Variants in EEF1D observed in about 807,000 individuals in gnomAD.
The protein encoded by EEF1D is eukaryotic translation elongation factor 1 delta.
In EEF1D, 47 loss-of-function variants were observed where a neutral mutation model predicts 63.9. That is an observed-to-expected ratio of 0.74 (90% CI 0.58 to 0.94). The LOEUF is 0.94. Ranked by LOEUF, EEF1D falls within the 40% of genes least tolerant of loss-of-function variation. The pLI is 0.00. For missense variants in EEF1D, 907 were observed against 899.0 expected, an observed-to-expected ratio of 1.01 and a Z score of -0.11; for synonymous variants, 412 against 386.1, an observed-to-expected ratio of 1.07 and a Z score of -0.79.
intron 2 of EEF1D, chr8:143,590,369 T>C: frequency 1.6e-6 from 1 of 630,702 alleles, no homozygotes; most frequent in East Asian, 2.8e-5. Flanking sequence ...ACATGAACAA[T>C]ATATAATTTT....
At chr8:143,590,274 C>T (rs910018048) in intron 2 of EEF1D, 193 bp from the exon 3 acceptor site, 32 of 870,620 alleles carry the variant, frequency 3.7e-5, no homozygotes, top group Non-Finnish European at 4.4e-5. Flanking sequence ...CATGTGGGGA[C>T]GTTTTGTTGT....
In EEF1D at chr8:143,586,677, C is replaced by T; in HGVS notation, c.1215+52G>A. On this transcript the variant is annotated intron_variant, in intron 4 of 9. Transcript: ENST00000618139. The stretch of plus-strand genomic sequence containing the variant: ...GCTGAATCCGCTTTGTGTGCCCCGG[C>T]CACTCCTGTCGGGCAGCAGAGCCGC... 2 of 1,597,744 alleles carry T rather than the reference C, an allele frequency of 1.3e-6. 1 individual carries two copies. Among genetic ancestry groups the T allele is most frequent in the South Asian group, 2.2e-5 (2 of 90,604 alleles).
Position 143,586,207 on chromosome 8 carries a change from G to A in EEF1D, c.1287+12C>T, listed in dbSNP as rs1391624540. ...GCAGGAGCCCGCAGGTCCGTGGGCCGCGGGTACTCACTCCAGCCAGGGATT... is the reference window on the plus strand; with the variant it reads ...GCAGGAGCCCGCAGGTCCGTGGGCCACGGGTACTCACTCCAGCCAGGGATT... On this transcript the variant is annotated intron_variant, in intron 5 of 9. Coordinates refer to ENST00000618139, the MANE Select transcript of EEF1D (RefSeq NM_001130053.5). 33 of 1,605,664 alleles carry A rather than the reference G, an allele frequency of 2.1e-5. No individual in the cohort carries two copies. The highest frequency in any genetic ancestry group is 2.4e-5 in the Non-Finnish European group (28 of 1,177,576).
At chr8:143,587,141 G>C (rs569829671) in intron 3 of EEF1D, 5 of 247,544 alleles carry the variant, frequency 2.0e-5, no homozygotes, top group African/African-American at 1.1e-4. Flanking sequence ...GCGGAGGCAG[G>C]TATGAGGGCC....
rs549161091 is a variant in EEF1D at position 143,586,275 on chromosome 8, C to T, written c.1231G>A (p.Val411Met). The stretch of plus-strand genomic sequence containing the variant: ...GCTCTCGCAATGTCACGGAGGATCA[C>T]GCTGGCGCCGTTCTCCTGCAGACAG... ...GASRQENGAS[V>M]ILRDIARARE... is the part of the protein sequence containing the mutation. The change falls in exon 5 of 10, where the codon GTG becomes ATG. Residue 411 changes from valine to methionine, a missense_variant. Transcript: ENST00000618139. 7 of 1,606,362 alleles carry T rather than the reference C, an allele frequency of 4.4e-6. No homozygotes were observed. Among genetic ancestry groups the T allele is most frequent in the Middle Eastern group, 2.3e-4 (1 of 4,424 alleles).
chr8:143,590,099 A>G lies in EEF1D; in HGVS notation c.1-18T>C. The G allele has an allele frequency of 6.3e-7, 1 of 1,598,236 alleles. No homozygotes were observed. Among genetic ancestry groups the G allele is most frequent in the South Asian group, 1.1e-5 (1 of 91,092 alleles). On this transcript the variant is annotated intron_variant, in intron 2 of 9. Coordinates refer to ENST00000618139, the MANE Select transcript of EEF1D (RefSeq NM_001130053.5). ...CTCCTCATCTTCCGGACACAGCGAT[A>G]AAAAGCAAGCAGAGGGCAGAGTTGC...
At chr8:143,586,134 C>G in intron 5 of EEF1D, 85 bp downstream of exon 5, 4 of 1,358,488 alleles carry the variant, frequency 2.9e-6, no homozygotes, top group Non-Finnish European at 3.1e-6. Context: ...GCTGTGAAGC[C>G]AAAACAACCA....
At chr8:143,587,063 CCT>C (rs1826802875) in intron 3 of EEF1D, 1 of 540,574 alleles carries the variant, frequency 1.8e-6, no homozygotes, top group African/African-American at 1.9e-5. Context: ...GGTCCGAGAA[CCT>C]CTGAGGGTCC....
intron 8 of EEF1D, 98 bp from the exon 9 acceptor site, chr8:143,580,304 TTC>T (rs1825185279): frequency 3.0e-6 from 4 of 1,348,648 alleles, no homozygotes; most frequent in Non-Finnish European, 4.1e-6. Context: ...GTGTCCACAA[TTC>T]TGTTTCCTTA....
intron 8 of EEF1D, 77 bp downstream of exon 8, chr8:143,580,429 G>A (rs923588482): frequency 6.6e-7 from 1 of 1,516,544 alleles, no homozygotes; most frequent in African/African-American, 1.4e-5. Flanking sequence ...AGGGCAGGGG[G>A]AGGGTCACAG....
At position 143,580,538 on chromosome 8, in the gene EEF1D, C is replaced by T. The variant is rs751588593; in HGVS notation, c.1678G>A (p.Ala560Thr). 4 of 1,612,928 alleles carry T rather than the reference C, an allele frequency of 2.5e-6. No homozygotes were observed. Among genetic ancestry groups the T allele is most frequent in the Non-Finnish European group, 3.4e-6 (4 of 1,179,830 alleles). ...ACATCCAGCAGGATGGAGGACTTGGCCACCAGTGCAGGCTTCTTGGCCTTC... is the reference window on the plus strand; with the variant it reads ...ACATCCAGCAGGATGGAGGACTTGGTCACCAGTGCAGGCTTCTTGGCCTTC... ...EKKAKKPALV[A>T]KSSILLDVKP... The change falls in exon 8 of 10, where the codon GCC becomes ACC. Residue 560 changes from alanine (A) to threonine (T), a missense_variant. Transcript: ENST00000618139.
chr8:143,589,813 C>T lies in EEF1D; in HGVS notation c.269G>A (p.Arg90His), dbSNP rs373393123. 17 of 1,601,046 alleles carry T rather than the reference C, an allele frequency of 1.1e-5. No individual in the cohort carries two copies. Among genetic ancestry groups the T allele is most frequent in the Admixed American group, 5.1e-5 (3 of 58,432 alleles). ...SRKPLQKKRK[R>H]SPKSGLGPAD... ...GGGGCCGAGCCCGCTCTTGGGGGAG[C>T]GCTTCCTCTTTTTCTGCAGGGGCTT... The change falls in exon 3 of 10, where the codon CGC becomes CAC. Residue 90 changes from arginine to histidine, a missense_variant. By Grantham distance (29) the Arg-to-His change is conservative. Coordinates refer to ENST00000618139, the MANE Select transcript of EEF1D (RefSeq NM_001130053.5).
intron 3 of EEF1D, chr8:143,588,683 G>A (rs553565254): frequency 7.6e-4 from 336 of 442,150 alleles, no homozygotes; most frequent in Admixed American, 1.3e-3. Context: ...AGCCACAGGG[G>A]ACTTGGGGAG....
intron 1 of EEF1D, 85 bp downstream of exon 1, chr8:143,597,263 G>A (rs1357153483): frequency 1.3e-5 from 2 of 152,170 alleles, no homozygotes; most frequent in Non-Finnish European, 2.9e-5. Context: ...GCGAGCTTCT[G>A]GCGCAGCCCG....
chr8:143,591,183 C>CT (rs1273382168), intron 2 of EEF1D, among the ~76,000 whole-genome samples: 1 of 152,212 alleles, frequency 6.6e-6, no homozygotes, highest in Non-Finnish European at 1.5e-5. Context: ...AGGGCCCCCT[C>CT]TAAGGTTTTG....
chr8:143,595,559 C>G (rs900874756), intron 1 of EEF1D, among the ~76,000 whole-genome samples: 1 of 152,222 alleles, frequency 6.6e-6, no homozygotes, highest in Non-Finnish European at 1.5e-5. Context: ...CACTCAGCCA[C>G]TTTCCTGTCT....
At chr8:143,597,072 G>A (rs1380651120) in intron 1 of EEF1D, 1 of 152,094 alleles carries the variant, frequency 6.6e-6, no homozygotes, top group African/African-American at 2.4e-5. Context: ...CCTGGCCGAG[G>A]GGCTTCCACG....
At chr8:143,588,777 G>A in intron 3 of EEF1D, 1 of 662,286 alleles carries the variant, frequency 1.5e-6, no homozygotes, top group Non-Finnish European at 2.5e-6. Flanking sequence ...AGGCAGCCTG[G>A]AACTTTGTAA....
At chr8:143,587,100 C>G (rs1826811886) in intron 3 of EEF1D, 1 of 373,092 alleles carries the variant, frequency 2.7e-6, no homozygotes, top group Non-Finnish European at 4.8e-6. Flanking sequence ...TTCACTCACA[C>G]GAAGCTGGGT....
Sources: gnomAD v4.1 joint callset for allele counts (sites outside exome capture counted in the v4.1 genomes callset) on GRCh38, gnomAD v4.1.1 for gene constraint, MANE v1.5 for transcripts, NCBI Gene and HGNC (gene_info 2026-07-23, HGNC 2026-07-21) for gene names.